CALN1: variants seen among roughly 807,000 people sequenced by gnomAD.
The protein encoded by CALN1 is calcium-binding protein 8.
Under a neutral mutation model 30.6 loss-of-function variants are expected in CALN1, and 17 were observed. That is an observed-to-expected ratio of 0.56 (90% CI 0.38 to 0.83). The LOEUF (loss-of-function observed/expected upper bound fraction) is 0.83. Among genes scored for constraint, CALN1 ranks in the 40% least tolerant of loss-of-function variants. CALN1 has a pLI of 0.00. For synonymous variants in CALN1, 156 were observed against 131.4 expected, an observed-to-expected ratio of 1.19 and a Z score of -1.28; for missense variants, 291 against 354.9, an observed-to-expected ratio of 0.82 and a Z score of 1.45.
intron 2 of CALN1, among the ~76,000 whole-genome samples, chr7:72,294,780 A>ATAAATAAG (rs1298970266): frequency 6.6e-6 from 1 of 151,578 alleles, no homozygotes; most frequent in African/African-American, 2.4e-5. Context: ...AAATAAATAA[A>ATAAATAAG]TACAGATTTT....
chr7:71,910,069 A>G (rs1294808732), intron 5 of CALN1, among the ~76,000 whole-genome samples: 1 of 152,142 alleles, frequency 6.6e-6, no homozygotes, highest in Non-Finnish European at 1.5e-5. Flanking sequence ...CAAGAGACTT[A>G]TTCACTATCA....
intron 3 of CALN1, among the ~76,000 whole-genome samples, chr7:72,158,643 G>A (rs982280997): frequency 1.3e-5 from 2 of 152,088 alleles, no homozygotes; most frequent in African/African-American, 4.8e-5. Flanking sequence ...ACATGACACA[G>A]CAAGACACAT....
chr7:72,426,281 C>T (rs1562964493), intron 1 of CALN1, among the ~76,000 whole-genome samples: 1 of 152,192 alleles, frequency 6.6e-6, no homozygotes, highest in Non-Finnish European at 1.5e-5. Flanking sequence ...TCTGTGTCTC[C>T]ATCCAAATCT....
intron 5 of CALN1, among the ~76,000 whole-genome samples, chr7:71,821,276 CAG>C (rs1044545277): frequency 1.1e-4 from 16 of 152,216 alleles, no homozygotes; most frequent in African/African-American, 3.1e-4. Context: ...ACTGAATGCA[CAG>C]AGTGTGACTT....
intron 3 of CALN1, among the ~76,000 whole-genome samples, chr7:72,153,941 G>A (rs921658546): frequency 6.6e-6 from 1 of 152,094 alleles, no homozygotes; most frequent in African/African-American, 2.4e-5. Context: ...ATTTTTCCAA[G>A]GCAGCCTGAA....
chr7:71,935,890 T>G (rs934575763), intron 5 of CALN1, among the ~76,000 whole-genome samples: 5 of 152,226 alleles, frequency 3.3e-5, no homozygotes, highest in Admixed American at 6.5e-5. Context: ...AGGTTACATG[T>G]ACCTTCTGCA....
At chr7:72,026,514 G>A (rs1801065970) in intron 4 of CALN1, among the ~76,000 whole-genome samples, 1 of 152,026 alleles carries the variant, frequency 6.6e-6, no homozygotes, top group African/African-American at 2.4e-5. Flanking sequence ...GAACCCAGGA[G>A]GCAGAGGTTG....
intron 3 of CALN1, among the ~76,000 whole-genome samples, chr7:72,163,391 T>TAAAAAAAAAAAAAAAAA (rs1563111506): frequency 3.8e-5 from 5 of 130,424 alleles, no homozygotes; most frequent in African/African-American, 1.1e-4. Flanking sequence ...TTATTGGAGA[T>TAAAAAAAAAAAAAAAAA]TAAAAAAAAA....
At chr7:71,919,791 C>G (rs887848717) in intron 5 of CALN1, among the ~76,000 whole-genome samples, 4 of 152,278 alleles carry the variant, frequency 2.6e-5, no homozygotes, top group African/African-American at 9.6e-5. Context: ...AATGATGCTA[C>G]AAGAATCTGG....
chr7:72,334,523 C>A (rs1298706157), intron 2 of CALN1, among the ~76,000 whole-genome samples: 1 of 149,380 alleles, frequency 6.7e-6, no homozygotes, highest in Non-Finnish European at 1.5e-5. Context: ...TCAACCTGTA[C>A]CCCCCCTCCC....
At chr7:72,204,529 A>C (rs925649272) in intron 3 of CALN1, among the ~76,000 whole-genome samples, 2 of 152,188 alleles carry the variant, frequency 1.3e-5, no homozygotes, top group Non-Finnish European at 2.9e-5. Flanking sequence ...ACAATATACT[A>C]TGTAATGTGG....
intron 1 of CALN1, among the ~76,000 whole-genome samples, chr7:72,421,255 AC>A (rs1807600325): frequency 6.6e-6 from 1 of 151,676 alleles, no homozygotes; most frequent in African/African-American, 2.4e-5. Context: ...TTTATCCATC[AC>A]TCCACTCCCA....
At chr7:71,833,458 C>T (rs1233656738) in intron 5 of CALN1, among the ~76,000 whole-genome samples, 2 of 150,910 alleles carry the variant, frequency 1.3e-5, no homozygotes, top group African/African-American at 2.4e-5. Context: ...CAAATGGAGA[C>T]GTTCAACAAA....
At chr7:72,314,890 G>A (rs1562876286) in intron 2 of CALN1, among the ~76,000 whole-genome samples, 1 of 148,870 alleles carries the variant, frequency 6.7e-6, no homozygotes, top group Non-Finnish European at 1.5e-5. Context: ...GCTCACACCT[G>A]TAAACCCAGC....
intron 2 of CALN1, among the ~76,000 whole-genome samples, chr7:72,306,193 T>C (rs1799637477): frequency 2.0e-5 from 3 of 152,166 alleles, no homozygotes; most frequent in Admixed American, 2.0e-4. Context: ...CATGTTTCTT[T>C]GCCATATTTT....
chr7:71,958,108 GA>G (rs919391549), intron 5 of CALN1, among the ~76,000 whole-genome samples: 2 of 140,000 alleles, frequency 1.4e-5, no homozygotes, highest in Non-Finnish European at 1.6e-5. Context: ...AAAAGAAAAA[GA>G]AAAAAAAAGA....
At chr7:72,197,967 T>C (rs1791151085) in intron 3 of CALN1, among the ~76,000 whole-genome samples, 2 of 152,134 alleles carry the variant, frequency 1.3e-5, no homozygotes, top group Admixed American at 1.3e-4. Flanking sequence ...CGTGGTCTAA[T>C]CTAGAATCAG....
chr7:71,803,506 G>C (rs945093409), intron 6 of CALN1, among the ~76,000 whole-genome samples: 1 of 152,068 alleles, frequency 6.6e-6, no homozygotes, highest in Non-Finnish European at 1.5e-5. Context: ...GCAGAGTCTT[G>C]CTCTGTTGCC....
At chr7:72,374,875 C>T (rs1804460286) in intron 2 of CALN1, among the ~76,000 whole-genome samples, 2 of 152,162 alleles carry the variant, frequency 1.3e-5, no homozygotes, top group Non-Finnish European at 2.9e-5. Context: ...CTCTCAATTT[C>T]AATTTTACCT....
Sources: allele counts gnomAD v4.1 joint callset (sites outside exome capture counted in the v4.1 genomes callset), GRCh38; gene constraint gnomAD v4.1.1; transcripts MANE v1.5; gene names NCBI Gene and HGNC (gene_info 2026-07-23, HGNC 2026-07-21).